The following C12orf56 variants were observed in gnomAD, a reference collection of about 807,000 sequenced individuals.
C12orf56 encodes uncharacterized protein C12orf56.
Under a neutral mutation model 69.9 loss-of-function variants are expected in C12orf56, and 71 were observed. That is an observed-to-expected ratio of 1.02 (90% CI 0.84 to 1.24). The LOEUF is 1.24. Among genes scored for constraint, C12orf56 ranks in the 50% most tolerant of loss-of-function variants. C12orf56 has a pLI of 0.00. For synonymous variants in C12orf56, 276 were observed against 274.1 expected (o/e 1.01, Z -0.07); for missense variants, 732 against 738.5 (o/e 0.99, Z 0.10).
chr12:64,372,273 A>T (rs1443049381), intron 1 of C12orf56, among the ~76,000 whole-genome samples: 1 of 152,206 alleles, frequency 6.6e-6, no homozygotes, highest in Non-Finnish European at 1.5e-5. Context: ...AAGTATTGAG[A>T]ACATGCTATT....
chr12:64,274,994 TAAAC>T lies in C12orf56; in HGVS notation c.1510-23_1510-20del, dbSNP rs748380574. The stretch of plus-strand genomic sequence containing the variant: ...GATTTCCCTAAAAGACTCAAGGAAA[TAAAC>T]AAGTTATATTCATAAAGTTCAAGTA... On this transcript the variant is annotated intron_variant, in intron 10 of 12. Coordinates refer to ENST00000543942, the MANE Select transcript of C12orf56 (RefSeq NM_001170633.2). The T allele has an allele frequency of 3.8e-6, 6 of 1,574,596 alleles. No homozygotes were observed. In the African/African-American group the frequency reaches 4.1e-5, roughly 11 times the overall value.
At chr12:64,350,057 A>C (rs2039200564) in intron 2 of C12orf56, among the ~76,000 whole-genome samples, 1 of 147,116 alleles carries the variant, frequency 6.8e-6, no homozygotes, top group Admixed American at 7.0e-5. Context: ...ATGCCATTGC[A>C]CTCCAGCCTG....
chr12:64,294,065 A>C (rs1398451313), intron 6 of C12orf56, among the ~76,000 whole-genome samples: 1 of 152,210 alleles, frequency 6.6e-6, no homozygotes, highest in Admixed American at 6.5e-5. Context: ...ATGAATGGCC[A>C]ATAAGCACAT....
At position 64,390,307 on chromosome 12, in the gene C12orf56, C is replaced by A. The variant is rs2039850287; in HGVS notation, c.252+7G>T. ...CCCGAGCCCGCCTGCCCACCCGCGC[C>A]GCTCACCAGGTCAATGGCCACGACG... On this transcript the variant is annotated splice_region_variant and intron_variant, in intron 1 of 12. Transcript: ENST00000543942. 6.2e-7 allele frequency: 1 copy of A among 1,601,372 alleles called. No homozygotes were observed. The highest frequency in any genetic ancestry group is 1.1e-5 in the South Asian group (1 of 90,512).
At chr12:64,362,400 A>C (rs147026891) in intron 1 of C12orf56, among the ~76,000 whole-genome samples, 1 of 152,104 alleles carries the variant, frequency 6.6e-6, no homozygotes, top group African/African-American at 2.4e-5. Flanking sequence ...TTTATTAACA[A>C]AGTAAACGAG....
At chr12:64,332,333 C>T (rs1024314541) in intron 2 of C12orf56, among the ~76,000 whole-genome samples, 3 of 151,744 alleles carry the variant, frequency 2.0e-5, no homozygotes, top group African/African-American at 4.8e-5. Context: ...GTTTCAGCCC[C>T]GCTCAGTGCA....
chr12:64,361,809 C>T (rs544896356), intron 1 of C12orf56, among the ~76,000 whole-genome samples: 129 of 151,966 alleles, frequency 8.5e-4, no homozygotes, highest in African/African-American at 2.9e-3. Flanking sequence ...CTCGGCTCAC[C>T]GCAACCTCCT....
At chr12:64,353,752 G>A (rs111709864) in intron 1 of C12orf56, among the ~76,000 whole-genome samples, 3,520 of 151,776 alleles carry the variant, frequency 0.023, 132 homozygotes, top group African/African-American at 0.08. Context: ...CACAATCTCC[G>A]CTCACTACAA....
chr12:64,358,482 AATCATCATCATC>A (rs1555193400), intron 1 of C12orf56, among the ~76,000 whole-genome samples: 1 of 125,948 alleles, frequency 7.9e-6, no homozygotes, highest in African/African-American at 3.0e-5. Context: ...TAATAATAAT[AATCATCATCATC>A]ATCATCATCA....
intron 6 of C12orf56, among the ~76,000 whole-genome samples, chr12:64,296,203 C>T (rs1387808476): frequency 6.6e-6 from 1 of 152,006 alleles, no homozygotes; most frequent in Non-Finnish European, 1.5e-5. Flanking sequence ...GGAGGAGCAA[C>T]CTAGAAAAAG....
chr12:64,352,116 G>T (rs59737721), intron 2 of C12orf56, among the ~76,000 whole-genome samples: 1,691 of 146,796 alleles, frequency 0.012, 30 homozygotes, highest in African/African-American at 0.04. Flanking sequence ...TTTTTTTTTT[G>T]TTTTTTTTTT....
chr12:64,272,174 T>C (rs767945871), intron 11 of C12orf56, among the ~76,000 whole-genome samples: 4 of 152,088 alleles, frequency 2.6e-5, no homozygotes, highest in Admixed American at 6.6e-5. Context: ...CTGGGAAACA[T>C]AGCAAGACCC....
At chr12:64,379,026 G>C (rs1217949924) in intron 1 of C12orf56, among the ~76,000 whole-genome samples, 1 of 150,096 alleles carries the variant, frequency 6.7e-6, no homozygotes, top group Non-Finnish European at 1.5e-5. Flanking sequence ...ACTCCAGCCT[G>C]GGTGACAGGA....
At chr12:64,375,982 G>A (rs1475916086) in intron 1 of C12orf56, among the ~76,000 whole-genome samples, 1 of 152,150 alleles carries the variant, frequency 6.6e-6, no homozygotes, top group Non-Finnish European at 1.5e-5. Flanking sequence ...GTGGTGATCT[G>A]CTGCCAGTCT....
intron 2 of C12orf56, among the ~76,000 whole-genome samples, chr12:64,347,384 C>G (rs919660329): frequency 7.3e-5 from 11 of 150,004 alleles, no homozygotes; most frequent in African/African-American, 2.5e-4. Flanking sequence ...CTCCTGGGTT[C>G]AAGCAATTCT....
chr12:64,383,656 T>A (rs1336933342), intron 1 of C12orf56, among the ~76,000 whole-genome samples: 2 of 152,084 alleles, frequency 1.3e-5, no homozygotes, highest in African/African-American at 4.8e-5. Flanking sequence ...ATTACAGGCA[T>A]GAGCCACCAC....
intron 1 of C12orf56, among the ~76,000 whole-genome samples, chr12:64,368,110 GT>G (rs376783220): frequency 1.3e-5 from 2 of 151,856 alleles, no homozygotes; most frequent in Non-Finnish European, 2.9e-5. Flanking sequence ...GCCTGGCCTT[GT>G]TTTTTTGAGA....
At chr12:64,270,246 A>G (rs939598595) in intron 12 of C12orf56, among the ~76,000 whole-genome samples, 2 of 151,868 alleles carry the variant, frequency 1.3e-5, no homozygotes, top group Admixed American at 1.3e-4. Context: ...AAATACAAAA[A>G]AAAAATTAGC....
intron 1 of C12orf56, among the ~76,000 whole-genome samples, chr12:64,383,360 T>A (rs924023070): frequency 1.3e-5 from 2 of 151,966 alleles, no homozygotes; most frequent in African/African-American, 4.8e-5. Context: ...TTAATTGGAT[T>A]TTCCTGATTA....
Sources: allele counts gnomAD v4.1 joint callset (sites outside exome capture counted in the v4.1 genomes callset), GRCh38; gene constraint gnomAD v4.1.1; transcripts MANE v1.5; gene names NCBI Gene and HGNC (gene_info 2026-07-23, HGNC 2026-07-21).